Variants in ZNF469 observed in about 807,000 individuals in gnomAD.
The protein encoded by ZNF469 is zinc finger protein 469.
ZNF469 carries 1 observed loss-of-function variant against 1.0 expected under a neutral mutation model. The ratio of observed to expected loss-of-function variants is 1.00; its 90% CI spans 0.35 to 4.73. The LOEUF is 4.73. Ranked by LOEUF, ZNF469 falls within the 30% of genes most tolerant of loss-of-function variation. ZNF469 has a pLI of 0.16. For synonymous variants in ZNF469, 2,703 were observed against 2,363.4 expected (o/e 1.14, Z -4.17); for missense variants, 6,100 against 5,356.3 (o/e 1.14, Z -4.33).
At chr16:88,131,755 C>G in the ZNF469 span, among the ~76,000 whole-genome samples, 2 of 152,224 alleles carry the variant, frequency 1.3e-5, no homozygotes, top group African/African-American at 4.8e-5. Context: ...GGTGGACACT[C>G]TGTCCAGGGA....
the ZNF469 span, among the ~76,000 whole-genome samples, chr16:88,169,325 A>G: frequency 6.6e-6 from 1 of 152,212 alleles, no homozygotes; most frequent in Non-Finnish European, 1.5e-5. This position sits in a 1 kb window ranked among gnomAD's most constrained non-coding sequence, Gnocchi z 6.1. Context: ...TGTGACCAAC[A>G]TGGAAACGGA....
chr16:88,206,480 A>T, the ZNF469 span, among the ~76,000 whole-genome samples: 1 of 152,224 alleles, frequency 6.6e-6, no homozygotes, highest in African/African-American at 2.4e-5. Flanking sequence ...AAATGGGAAA[A>T]CTTCCATGAT....
chr16:88,122,902 G>C, the ZNF469 span, among the ~76,000 whole-genome samples: 1 of 151,946 alleles, frequency 6.6e-6, no homozygotes, highest in African/African-American at 2.4e-5. Flanking sequence ...GAGTGCAGTG[G>C]TGCAATCATA....
chr16:88,282,128 C>T, the ZNF469 span, among the ~76,000 whole-genome samples: 496 of 152,198 alleles, frequency 3.3e-3, 6 homozygotes, highest in African/African-American at 0.011. Context: ...AATGTAATCT[C>T]GACATTCCAG....
Position 88,434,788 on chromosome 16 carries a change from G to T in ZNF469, c.7318G>T (p.Gly2440Cys). 6.5e-7 allele frequency: 1 copy of T among 1,550,320 alleles called. No homozygotes were observed. The highest frequency in any genetic ancestry group is 8.7e-7 in the Non-Finnish European group (1 of 1,146,958). The change falls in exon 3 of 3, where the codon GGC (glycine) becomes TGC (cysteine). Residue 2440 changes from glycine (G) to cysteine (C), a missense_variant. Gly to Cys is a radical substitution (Grantham distance 159). Transcript: ENST00000565624. ...CCAGACTCCCCAGGGGGACCCCCTC[G>T]GCCCCCAAGACCTCAAACAGAGGTC... Reference protein sequence around the residue: ...SHQTPQGDPLGPQDLKQRSRG... With the variant: ...SHQTPQGDPLCPQDLKQRSRG...
chr16:88,380,116 TACACAA>T (rs2092516941), upstream of ZNF469, among the ~76,000 whole-genome samples: 1 of 89,722 alleles, frequency 1.1e-5, no homozygotes, highest in African/African-American at 5.3e-5. Context: ...CATGCACTCA[TACACAA>T]ACACACACAC....
At chr16:88,220,293 A>G in the ZNF469 span, among the ~76,000 whole-genome samples, 2 of 152,160 alleles carry the variant, frequency 1.3e-5, no homozygotes, top group East Asian at 3.8e-4. Flanking sequence ...ATTGGAAGAT[A>G]CCCAGTGTGC....
chr16:88,266,694 C>T, the ZNF469 span, among the ~76,000 whole-genome samples: 176 of 152,300 alleles, frequency 1.2e-3, no homozygotes, highest in Middle Eastern at 3.4e-3. Flanking sequence ...CTGGGACGTG[C>T]TGGTCGGTGT....
intron 1 of ZNF469, among the ~76,000 whole-genome samples, chr16:88,391,985 G>T (rs139904498): frequency 3.2e-4 from 49 of 152,322 alleles, no homozygotes; most frequent in African/African-American, 1.1e-3. Context: ...ACATGATACG[G>T]TATCCTATTA....
At chr16:88,317,396 C>T in the ZNF469 span, among the ~76,000 whole-genome samples, 3 of 152,322 alleles carry the variant, frequency 2.0e-5, no homozygotes, top group South Asian at 6.2e-4. Flanking sequence ...TGTGCATTTT[C>T]ACCTTTGCAC....
At chr16:88,135,892 C>G in the ZNF469 span, among the ~76,000 whole-genome samples, 1 of 151,226 alleles carries the variant, frequency 6.6e-6, no homozygotes, top group African/African-American at 2.4e-5. Flanking sequence ...TCCCGAGTAG[C>G]TGGCACTACA....
chr16:88,321,044 G>T, the ZNF469 span, among the ~76,000 whole-genome samples: 3 of 152,280 alleles, frequency 2.0e-5, no homozygotes, highest in Non-Finnish European at 4.4e-5. Context: ...GTTGGGGTCA[G>T]GGTGGGGACG....
the ZNF469 span, among the ~76,000 whole-genome samples, chr16:88,208,750 A>G: frequency 6.7e-6 from 1 of 149,420 alleles, no homozygotes; most frequent in Non-Finnish European, 1.5e-5. Flanking sequence ...TGCATCTATA[A>G]TCTGTCCATA....
the ZNF469 span, among the ~76,000 whole-genome samples, chr16:88,240,541 G>A: frequency 6.6e-6 from 1 of 152,148 alleles, no homozygotes; most frequent in Non-Finnish European, 1.5e-5. Flanking sequence ...GCACTAATAT[G>A]CAGAACGTGG....
At chr16:88,125,018 G>A in the ZNF469 span, among the ~76,000 whole-genome samples, 2 of 152,186 alleles carry the variant, frequency 1.3e-5, no homozygotes, top group Admixed American at 1.3e-4. Flanking sequence ...TCTAGATTAA[G>A]CTTTTATAAT....
chr16:88,164,153 G>C, the ZNF469 span, among the ~76,000 whole-genome samples: 2 of 151,328 alleles, frequency 1.3e-5, no homozygotes, highest in African/African-American at 2.4e-5. Flanking sequence ...TGGATGGGTA[G>C]ATAGATGAAT....
chr16:88,251,330 T>C, the ZNF469 span, among the ~76,000 whole-genome samples: 51 of 152,304 alleles, frequency 3.3e-4, no homozygotes, highest in Admixed American at 9.8e-4. Flanking sequence ...TTGAATGTCA[T>C]TTAACATTTG....
the ZNF469 span, among the ~76,000 whole-genome samples, chr16:88,184,749 G>C: frequency 6.6e-6 from 1 of 152,112 alleles, no homozygotes; most frequent in African/African-American, 2.4e-5. Context: ...TGGGACGTGC[G>C]AGAGGCATTT....
chr16:88,199,190 C>T, the ZNF469 span, among the ~76,000 whole-genome samples: 2 of 152,194 alleles, frequency 1.3e-5, no homozygotes. Context: ...CGGTCAAGGG[C>T]ATGGGCACCG....
Sources: allele counts gnomAD v4.1 joint callset (sites outside exome capture counted in the v4.1 genomes callset), GRCh38; gene constraint gnomAD v4.1.1; non-coding constraint Gnocchi (gnomAD v3.1); transcripts MANE v1.5; gene names NCBI Gene and HGNC (gene_info 2026-07-23, HGNC 2026-07-21).